Variants in HS6ST3 observed in about 807,000 individuals in gnomAD.
The protein encoded by HS6ST3 is heparan sulfate 6-O-sulfotransferase 3, also known as heparan-sulfate 6-O-sulfotransferase 3.
A neutral mutation model predicts 36.7 loss-of-function variants in HS6ST3; 12 were observed. The ratio of observed to expected loss-of-function variants is 0.33; its 90% CI spans 0.21 to 0.53. The LOEUF (loss-of-function observed/expected upper bound fraction) is 0.53. HS6ST3 is among the 20% of genes least tolerant of loss of function. HS6ST3 has a pLI of 0.95. For synonymous variants in HS6ST3, 240 were observed against 257.5 expected, an observed-to-expected ratio of 0.93 and a Z score of 0.65; for missense variants, 584 against 640.9, an observed-to-expected ratio of 0.91 and a Z score of 0.96.
intron 1 of HS6ST3, among the ~76,000 whole-genome samples, chr13:96,095,548 G>T (rs2053785990): frequency 6.6e-6 from 1 of 152,204 alleles, no homozygotes. Flanking sequence ...CACACCACCG[G>T]AAGGTTGGGG....
At chr13:96,776,205 T>C (rs1230429685) in intron 1 of HS6ST3, among the ~76,000 whole-genome samples, 1 of 151,778 alleles carries the variant, frequency 6.6e-6, no homozygotes, top group Admixed American at 6.6e-5. Context: ...TTAGAGGGAA[T>C]TTTACGGCAC....
chr13:96,575,882 G>A (rs988034840), intron 1 of HS6ST3, among the ~76,000 whole-genome samples: 1 of 152,240 alleles, frequency 6.6e-6, no homozygotes, highest in African/African-American at 2.4e-5. Flanking sequence ...GAAGTGGCCA[G>A]TGGGAAGAAG....
In HS6ST3 at chr13:96,200,799, C is replaced by A. The variant is rs534768888; in HGVS notation, c.707+109230C>A. The stretch of plus-strand genomic sequence containing the variant: ...CTTACATCGTATTCAGAATGCCTCT[C>A]ATTTCAAATTCCTCTCACTTTAGCT... On this transcript the variant is annotated intron_variant, in intron 1 of 1. Coordinates refer to ENST00000376705, the MANE Select transcript of HS6ST3 (RefSeq NM_153456.4). Among the ~76,000 whole-genome samples the A allele has an allele frequency of 5.3e-5, 8 of 152,260 alleles. No homozygotes were observed. The South Asian group carries it at 1.7e-3, about 32-fold the overall frequency.
intron 1 of HS6ST3, among the ~76,000 whole-genome samples, chr13:96,708,887 G>A (rs1336551857): frequency 6.6e-6 from 1 of 152,152 alleles, no homozygotes; most frequent in South Asian, 2.1e-4. Context: ...ATAAAGGTTG[G>A]ATACCCCTGT....
chr13:96,274,974 G>A (rs929981850), intron 1 of HS6ST3, among the ~76,000 whole-genome samples: 2 of 151,568 alleles, frequency 1.3e-5, no homozygotes, highest in South Asian at 2.1e-4. Flanking sequence ...AGGCTTCAGC[G>A]CTGGGTTTAT....
chr13:96,746,447 CA>C (rs1183812146), intron 1 of HS6ST3, among the ~76,000 whole-genome samples: 1 of 151,996 alleles, frequency 6.6e-6, no homozygotes, highest in African/African-American at 2.4e-5. Context: ...AAGATATAAA[CA>C]AGGAATATAG....
intron 1 of HS6ST3, among the ~76,000 whole-genome samples, chr13:96,448,644 T>G (rs971588400): frequency 1.3e-5 from 2 of 152,142 alleles, no homozygotes; most frequent in Non-Finnish European, 2.9e-5. Flanking sequence ...TTTCCTTGTC[T>G]AATACCCCTG....
intron 1 of HS6ST3, among the ~76,000 whole-genome samples, chr13:96,697,064 A>G (rs908154850): frequency 6.6e-6 from 1 of 152,128 alleles, no homozygotes; most frequent in Admixed American, 6.6e-5. Context: ...TAACTATTAT[A>G]TTCAGGGAGA....
At chr13:96,829,275 G>C (rs1878717091) in intron 1 of HS6ST3, among the ~76,000 whole-genome samples, 1 of 151,952 alleles carries the variant, frequency 6.6e-6, no homozygotes, top group African/African-American at 2.4e-5. Flanking sequence ...TGAGAAGAAG[G>C]GGGTAAGAGC....
At chr13:96,529,379 A>G (rs1217590107) in intron 1 of HS6ST3, among the ~76,000 whole-genome samples, 1 of 152,198 alleles carries the variant, frequency 6.6e-6, no homozygotes, top group Non-Finnish European at 1.5e-5. Flanking sequence ...CAGGGTAGTC[A>G]TGTTAGATGC....
chr13:96,214,125 GT>G (rs2139358914), intron 1 of HS6ST3, among the ~76,000 whole-genome samples: 1 of 152,274 alleles, frequency 6.6e-6, no homozygotes, highest in Admixed American at 6.5e-5. Context: ...ACATATGCAT[GT>G]ATGTCTAACC....
intron 1 of HS6ST3, among the ~76,000 whole-genome samples, chr13:96,761,618 T>G (rs550556960): frequency 6.0e-4 from 91 of 152,192 alleles, no homozygotes; most frequent in Admixed American, 1.3e-3. Flanking sequence ...CCAGAGGCCG[T>G]CATCACTCAT....
chr13:96,777,295 CCT>C (rs773241770), intron 1 of HS6ST3, among the ~76,000 whole-genome samples: 4 of 152,260 alleles, frequency 2.6e-5, no homozygotes, highest in East Asian at 3.9e-4. Flanking sequence ...ACAAGGATGC[CCT>C]CTCTCACCAC....
intron 1 of HS6ST3, among the ~76,000 whole-genome samples, chr13:96,559,640 A>G (rs2056254595): frequency 6.6e-6 from 1 of 152,196 alleles, no homozygotes; most frequent in Admixed American, 6.5e-5. Flanking sequence ...AGGCTGTTTC[A>G]ATGAGAATAA....
chr13:96,779,705 G>T (rs1384044293), intron 1 of HS6ST3, among the ~76,000 whole-genome samples: 2 of 151,560 alleles, frequency 1.3e-5, no homozygotes. Flanking sequence ...CAGTGAACAT[G>T]GTGAGACAAC....
intron 1 of HS6ST3, among the ~76,000 whole-genome samples, chr13:96,708,858 A>AG (rs1875492995): frequency 6.6e-6 from 1 of 152,222 alleles, no homozygotes; most frequent in African/African-American, 2.4e-5. Flanking sequence ...AATGGATGGA[A>AG]GAAAGGATAG....
intron 1 of HS6ST3, among the ~76,000 whole-genome samples, chr13:96,522,787 G>A (rs2056098926): frequency 6.6e-6 from 1 of 152,090 alleles, no homozygotes; most frequent in African/African-American, 2.4e-5. Context: ...CCTGAATACA[G>A]CACACCAATG....
intron 1 of HS6ST3, among the ~76,000 whole-genome samples, chr13:96,103,911 T>C (rs961085617): frequency 7.9e-5 from 12 of 151,698 alleles, no homozygotes; most frequent in African/African-American, 2.2e-4. Flanking sequence ...TCAGGAAACC[T>C]TTTTTCCTCC....
At chr13:96,553,459 G>T (rs911547334) in intron 1 of HS6ST3, among the ~76,000 whole-genome samples, 2 of 152,186 alleles carry the variant, frequency 1.3e-5, no homozygotes, top group Admixed American at 6.5e-5. Context: ...GGGGCAAAAA[G>T]ATAGGGTTCC....
Sources: allele counts gnomAD v4.1 joint callset (sites outside exome capture counted in the v4.1 genomes callset), GRCh38; gene constraint gnomAD v4.1.1; transcripts MANE v1.5; gene names NCBI Gene and HGNC (gene_info 2026-07-23, HGNC 2026-07-21).